Variants in ZNF609 observed in about 807,000 individuals in gnomAD.
ZNF609 encodes the protein zinc finger protein 609.
Under a neutral mutation model 109.5 loss-of-function variants are expected in ZNF609, and 11 were observed. The ratio of observed to expected loss-of-function variants is 0.10; its 90% CI spans 0.06 to 0.17. The LOEUF (loss-of-function observed/expected upper bound fraction) is 0.17, where lower values mean the gene tolerates loss of function less well. Ranked by LOEUF, ZNF609 falls within the 10% of genes least tolerant of loss-of-function variation. The pLI is 1.00. For missense variants in ZNF609, 1,559 were observed against 1,772.4 expected, an observed-to-expected ratio of 0.88 and a Z score of 2.16; for synonymous variants, 646 against 662.0, an observed-to-expected ratio of 0.98 and a Z score of 0.37.
At chr15:64,609,338 T>A (rs1185439705) in intron 2 of ZNF609, among the ~76,000 whole-genome samples, 1 of 151,662 alleles carries the variant, frequency 6.6e-6, no homozygotes, top group African/African-American at 2.4e-5. Flanking sequence ...ATTTTTGTTT[T>A]TGTTTGTTTG....
Position 64,673,807 on chromosome 15 carries a change from C to A in ZNF609, c.1062-109C>A, listed in dbSNP as rs1168493473. ...AGAATTTCTTTTAACAAATCATATT[C>A]ATTGAAAATGATAGTCACCATCTGG... On this transcript the variant is annotated intron_variant, in intron 4 of 9. Coordinates refer to ENST00000326648, the MANE Select transcript of ZNF609 (RefSeq NM_015042.2). 3.2e-6 allele frequency: 4 copies of A among 1,231,886 alleles called. No individual in the cohort carries two copies. In the South Asian group the frequency reaches 4.8e-5, roughly 15 times the overall value. The allele number at this position is 1,231,886 out of a possible 1,614,324, so 76.3% of individuals were successfully genotyped here.
At chr15:64,659,496 G>A (rs1896543372) in intron 3 of ZNF609, among the ~76,000 whole-genome samples, 4 of 152,166 alleles carry the variant, frequency 2.6e-5, no homozygotes, top group African/African-American at 9.7e-5. Flanking sequence ...AGAGGTTGGT[G>A]ATAAGGGAAA....
At chr15:64,478,292 A>G (rs570187569) in intron 1 of ZNF609, among the ~76,000 whole-genome samples, 1 of 151,682 alleles carries the variant, frequency 6.6e-6, no homozygotes, top group Admixed American at 6.6e-5. Context: ...CCTCAAACTC[A>G]TAGGCTTGAG....
At chr15:64,532,628 G>A (rs1894078021) in intron 2 of ZNF609, among the ~76,000 whole-genome samples, 1 of 152,188 alleles carries the variant, frequency 6.6e-6, no homozygotes, top group Admixed American at 6.5e-5. Context: ...ACATCTTTAA[G>A]ATGGAGCGCT....
chr15:64,656,997 G>A (rs563386553), intron 3 of ZNF609, among the ~76,000 whole-genome samples: 3 of 152,142 alleles, frequency 2.0e-5, no homozygotes, highest in Non-Finnish European at 4.4e-5. Flanking sequence ...AGTGGCTCAC[G>A]CCTGTAATCC....
intron 2 of ZNF609, among the ~76,000 whole-genome samples, chr15:64,553,550 T>A (rs2140395384): frequency 6.6e-6 from 1 of 151,236 alleles, no homozygotes; most frequent in African/African-American, 2.4e-5. Flanking sequence ...TAATAATTTT[T>A]TAATTTTAAT....
intron 3 of ZNF609, among the ~76,000 whole-genome samples, chr15:64,628,612 T>G (rs571726337): frequency 2.6e-4 from 40 of 152,194 alleles, no homozygotes; most frequent in Middle Eastern, 3.4e-3. Context: ...TATGCGGCTG[T>G]CTGTAGAACA....
intron 1 of ZNF609, among the ~76,000 whole-genome samples, chr15:64,489,299 C>T (rs948663471): frequency 6.6e-6 from 1 of 151,756 alleles, no homozygotes; most frequent in East Asian, 1.9e-4. Flanking sequence ...AATTCTCCTG[C>T]CTCAGCCTCC....
At chr15:64,652,108 C>T (rs1404936987) in intron 3 of ZNF609, among the ~76,000 whole-genome samples, 3 of 152,122 alleles carry the variant, frequency 2.0e-5, no homozygotes, top group Non-Finnish European at 4.4e-5. Context: ...GGTGCAATCG[C>T]AGCTCACTGC....
chr15:64,524,794 A>G (rs556823027), intron 2 of ZNF609, among the ~76,000 whole-genome samples: 1 of 152,272 alleles, frequency 6.6e-6, no homozygotes, highest in East Asian at 1.9e-4. Context: ...AAGTTTTTGT[A>G]TGGACATATG....
chr15:64,644,975 CTTTCTT>C (rs1424401109), intron 3 of ZNF609, among the ~76,000 whole-genome samples: 85 of 139,264 alleles, frequency 6.1e-4, no homozygotes, highest in African/African-American at 2.4e-3. Context: ...TTTCTTCTTT[CTTTCTT>C]TTTCTTTCTT....
chr15:64,575,885 G>A (rs1443310309), intron 2 of ZNF609, among the ~76,000 whole-genome samples: 3 of 152,012 alleles, frequency 2.0e-5, no homozygotes, highest in African/African-American at 4.8e-5. Flanking sequence ...GGTGGATCAC[G>A]GGGTCAGGAA....
intron 2 of ZNF609, among the ~76,000 whole-genome samples, chr15:64,595,320 C>T (rs938494266): frequency 6.7e-6 from 1 of 148,760 alleles, no homozygotes; most frequent in Non-Finnish European, 1.5e-5. Context: ...GAGATCATGC[C>T]ACTGCACTCC....
intron 3 of ZNF609, among the ~76,000 whole-genome samples, chr15:64,668,546 G>T (rs1050416623): frequency 3.9e-5 from 6 of 152,126 alleles, no homozygotes; most frequent in African/African-American, 1.4e-4. Context: ...CAGATGGATT[G>T]CTTGATCTCA....
intron 2 of ZNF609, among the ~76,000 whole-genome samples, chr15:64,599,989 T>G (rs948096326): frequency 6.6e-6 from 1 of 152,210 alleles, no homozygotes; most frequent in Non-Finnish European, 1.5e-5. Flanking sequence ...TTTGTTCACT[T>G]CTGTTATGAT....
intron 3 of ZNF609, among the ~76,000 whole-genome samples, chr15:64,665,643 C>T (rs756551626): frequency 1.6e-4 from 24 of 152,116 alleles, no homozygotes; most frequent in Admixed American, 3.9e-4. Context: ...GGCCCGGTGG[C>T]GCATGCCTGT....
At chr15:64,647,610 A>G (rs1595751620) in intron 3 of ZNF609, among the ~76,000 whole-genome samples, 1 of 152,186 alleles carries the variant, frequency 6.6e-6, no homozygotes, top group Non-Finnish European at 1.5e-5. Context: ...ACATATTTCC[A>G]TAACATTAAA....
chr15:64,623,511 G>A (rs1254979549), intron 3 of ZNF609, among the ~76,000 whole-genome samples: 4 of 152,150 alleles, frequency 2.6e-5, no homozygotes, highest in Non-Finnish European at 2.9e-5. Flanking sequence ...TATAGGTACA[G>A]CCAGTTCACT....
At chr15:64,584,802 T>C (rs1439026066) in intron 2 of ZNF609, among the ~76,000 whole-genome samples, 2 of 151,178 alleles carry the variant, frequency 1.3e-5, no homozygotes, top group Non-Finnish European at 2.9e-5. Context: ...CTAATTTTTG[T>C]ATTTTTAGTA....
Sources: allele counts gnomAD v4.1 joint callset (sites outside exome capture counted in the v4.1 genomes callset), GRCh38; gene constraint gnomAD v4.1.1; transcripts MANE v1.5; gene names NCBI Gene and HGNC (gene_info 2026-07-23, HGNC 2026-07-21).